LIPK: variants seen among roughly 807,000 people sequenced by gnomAD.
LIPK encodes the protein lipase family member K.
Under a neutral mutation model 48.6 loss-of-function variants are expected in LIPK, and 32 were observed. That is an observed-to-expected ratio of 0.66 (90% CI 0.50 to 0.88). The LOEUF is 0.88. Ranked by LOEUF, LIPK falls within the 40% of genes least tolerant of loss-of-function variation. The pLI is 0.00. For synonymous variants in LIPK, 164 were observed against 157.4 expected (o/e 1.04, Z -0.32); for missense variants, 507 against 478.5 (o/e 1.06, Z -0.56).
Position 88,752,540 on chromosome 10 carries a change from T to C in LIPK, c.984T>C (p.Ile328=). 1.9e-6 allele frequency: 3 copies of C among 1,556,048 alleles called. No homozygotes were observed. The highest frequency in any genetic ancestry group is 1.4e-5 in the African/African-American group (1 of 73,966). ...AGCTTACACCTCCTTTATACAACATTACTAAGATGGAAGTTCCAACAGCAA... is the reference window on the plus strand; with the variant it reads ...AGCTTACACCTCCTTTATACAACATCACTAAGATGGAAGTTCCAACAGCAA... The part of the protein sequence containing the change: ...FHQLTPPLYN[I]TKMEVPTAIW... Residue 328 remains isoleucine, a synonymous_variant, in exon 10 of 10, where the codon ATT becomes ATC. Coordinates refer to ENST00000404190, the MANE Select transcript of LIPK (RefSeq NM_001080518.2).
chr10:88,748,868 G>T (rs1842816648), intron 9 of LIPK, among the ~76,000 whole-genome samples: 1 of 152,130 alleles, frequency 6.6e-6, no homozygotes, highest in African/African-American at 2.4e-5. Flanking sequence ...TTTCATGGAT[G>T]ATGTGATTCT....
chr10:88,718,187 G>A (rs1230309332), intron 1 of LIPK, among the ~76,000 whole-genome samples: 1 of 151,040 alleles, frequency 6.6e-6, no homozygotes, highest in African/African-American at 2.4e-5. Flanking sequence ...AACAAAAAAT[G>A]TATGCCATAA....
intron 1 of LIPK, among the ~76,000 whole-genome samples, chr10:88,718,937 T>G (rs1319797013): frequency 6.6e-6 from 1 of 152,170 alleles, no homozygotes; most frequent in African/African-American, 2.4e-5. Context: ...ATGTTGTTAT[T>G]TTTCATAAGT....
At chr10:88,733,278 A>G (rs576398373) in intron 6 of LIPK, among the ~76,000 whole-genome samples, 4 of 152,250 alleles carry the variant, frequency 2.6e-5, no homozygotes, top group East Asian at 1.9e-4. Context: ...AACTAATCTG[A>G]TCATTTATCT....
At chr10:88,725,116 T>G (rs982323971) in intron 2 of LIPK, among the ~76,000 whole-genome samples, 2 of 152,318 alleles carry the variant, frequency 1.3e-5, no homozygotes, top group Middle Eastern at 3.4e-3. Context: ...AAAGGCCAAA[T>G]GACAAATATC....
At chr10:88,746,025 A>G (rs1315074188) in intron 9 of LIPK, among the ~76,000 whole-genome samples, 2 of 152,186 alleles carry the variant, frequency 1.3e-5, no homozygotes, top group Non-Finnish European at 2.9e-5. Flanking sequence ...TATCAAAAGG[A>G]ACAGAGAAGG....
chr10:88,709,681 T>G (rs998108421), intron 1 of LIPK, among the ~76,000 whole-genome samples: 1 of 152,170 alleles, frequency 6.6e-6, no homozygotes, highest in Non-Finnish European at 1.5e-5. Context: ...TTGCAGAAGT[T>G]AAATGCCCTT....
intron 9 of LIPK, among the ~76,000 whole-genome samples, chr10:88,746,544 G>T (rs1443334259): frequency 2.0e-5 from 3 of 152,132 alleles, no homozygotes; most frequent in Non-Finnish European, 4.4e-5. Flanking sequence ...AACACAGGCA[G>T]AAATCAAGAA....
At chr10:88,721,913 T>C (rs1002109715) in intron 1 of LIPK, among the ~76,000 whole-genome samples, 1 of 152,310 alleles carries the variant, frequency 6.6e-6, no homozygotes, top group Non-Finnish European at 1.5e-5. Context: ...CGAAGCTTAC[T>C]CTCAGTGAGG....
intron 6 of LIPK, among the ~76,000 whole-genome samples, chr10:88,733,883 T>A (rs1420832049): frequency 1.3e-5 from 2 of 152,262 alleles, no homozygotes; most frequent in African/African-American, 2.4e-5. Context: ...TCCAGCTTGT[T>A]GGTATGAGTA....
chr10:88,744,103 C>T (rs72824204), intron 9 of LIPK, among the ~76,000 whole-genome samples: 7,813 of 152,280 alleles, frequency 0.051, 240 homozygotes, highest in African/African-American at 0.07. Context: ...ATCTTACCCA[C>T]GGGACAGGGC....
intron 9 of LIPK, among the ~76,000 whole-genome samples, chr10:88,752,177 C>T (rs1590166371): frequency 3.9e-5 from 6 of 152,150 alleles, no homozygotes; most frequent in East Asian, 1.9e-4. Context: ...TTATCCTATC[C>T]GACATTTTGT....
Position 88,722,889 on chromosome 10 carries a change from C to CTTTTCTTTT in LIPK, c.-11-1640_-11-1639insCTTTTTTTT, listed in dbSNP as rs1554954607. 3.5e-5 allele frequency among the ~76,000 whole-genome samples: 4 copies of CTTTTCTTTT among 113,206 alleles called. No individual in the cohort carries two copies. The South Asian group carries it at 8.3e-4, about 24-fold the overall frequency. 74.3% of individuals were successfully genotyped at this position (113,206 alleles called of 152,430 possible). Reference sequence around the variant, plus strand: ...AATTGTTTTTCTTCTTTTCTTTTTTCTTTTTTTTTTTTGACAGGGTTTCAC... The same window carrying CTTTTCTTTT: ...AATTGTTTTTCTTCTTTTCTTTTTTCTTTTCTTTTTTTTTTTTTTTTGACAGGGTTTCAC... On this transcript the variant is annotated intron_variant, in intron 1 of 9. Coordinates refer to ENST00000404190, the MANE Select transcript of LIPK (RefSeq NM_001080518.2).
chr10:88,733,912 A>G (rs1333587041), intron 6 of LIPK, among the ~76,000 whole-genome samples: 1 of 152,220 alleles, frequency 6.6e-6, no homozygotes, highest in East Asian at 1.9e-4. Flanking sequence ...GGTGTATGTG[A>G]GAGTAGAATG....
chr10:88,732,828 G>GT (rs1022064682), intron 6 of LIPK, among the ~76,000 whole-genome samples: 1 of 152,158 alleles, frequency 6.6e-6, no homozygotes, highest in African/African-American at 2.4e-5. Flanking sequence ...TGATTGATTG[G>GT]TTTGTTGAAT....
chr10:88,720,441 C>T (rs187155075), intron 1 of LIPK, among the ~76,000 whole-genome samples: 61 of 152,132 alleles, frequency 4.0e-4, no homozygotes, highest in African/African-American at 1.1e-3. Flanking sequence ...ACCTGGGCAA[C>T]GAAATACTCT....
rs778525387 is a variant in LIPK at position 88,752,761 on chromosome 10, A to G, written c.*5A>G. The G allele has an allele frequency of 1.3e-6, 2 of 1,534,022 alleles. No homozygotes were observed. The highest frequency in any genetic ancestry group is 1.4e-5 in the African/African-American group (1 of 72,656). ...GAAGAATATTTACAAAATTAAATGCACTTTACTTTCTCTAAGCAAGTGGAT... is the reference window on the plus strand; with the variant it reads ...GAAGAATATTTACAAAATTAAATGCGCTTTACTTTCTCTAAGCAAGTGGAT... On this transcript the variant is annotated 3_prime_UTR_variant, in exon 10 of 10. Transcript: ENST00000404190.
In LIPK at chr10:88,752,670, C is replaced by G; in HGVS notation, c.1114C>G (p.His372Asp). The stretch of plus-strand genomic sequence containing the variant: ...TTACAAGCTGATTCCACACTACAAT[C>G]ATGTGGATTTTTACCTTGGAGAGGA... ...IYYKLIPHYN[H>D]VDFYLGEDAP... The change falls in exon 10 of 10, where the codon CAT (histidine) becomes GAT (aspartate). Residue 372 changes from histidine (H) to aspartate (D), a missense_variant. Transcript: ENST00000404190. The G allele has an allele frequency of 6.3e-7, 1 of 1,577,008 alleles. No individual in the cohort carries two copies. The highest frequency in any genetic ancestry group is 1.8e-5 in the Admixed American group (1 of 54,694).
chr10:88,743,946 G>A (rs906505136), intron 9 of LIPK, among the ~76,000 whole-genome samples: 2 of 152,210 alleles, frequency 1.3e-5, no homozygotes, highest in Admixed American at 1.3e-4. Context: ...GCAGGGACAG[G>A]ACTCTTGCCT....
Sources: gnomAD v4.1 joint callset for allele counts (sites outside exome capture counted in the v4.1 genomes callset) on GRCh38, gnomAD v4.1.1 for gene constraint, MANE v1.5 for transcripts, NCBI Gene and HGNC (gene_info 2026-07-23, HGNC 2026-07-21) for gene names.